Variants in CASD1 observed in about 807,000 individuals in gnomAD.
The protein encoded by CASD1 is N-acetylneuraminate (7)9-O-acetyltransferase.
In CASD1, 41 loss-of-function variants were observed where a neutral mutation model predicts 100.0. The ratio of observed to expected loss-of-function variants is 0.41; its 90% CI spans 0.32 to 0.53. The LOEUF is 0.53. Among genes scored for constraint, CASD1 ranks in the 20% least tolerant of loss-of-function variants. The pLI is 0.25. For missense variants in CASD1, 774 were observed against 948.7 expected, an observed-to-expected ratio of 0.82 and a Z score of 2.42; for synonymous variants, 321 against 315.6, an observed-to-expected ratio of 1.02 and a Z score of -0.18.
chr7:94,571,269 C>G, the CASD1 span, among the ~76,000 whole-genome samples: 1 of 152,154 alleles, frequency 6.6e-6, no homozygotes, highest in East Asian at 1.9e-4. Context: ...TCTTGAACTC[C>G]TGGGCTCAAG....
At chr7:94,587,833 AAT>A in the CASD1 span, 133 of 1,534,924 alleles carry the variant, frequency 8.7e-5, no homozygotes, top group African/African-American at 1.5e-3. Flanking sequence ...CGAAAGCAGT[AAT>A]AGAGAAGATA....
At chr7:94,557,028 C>T (rs1198426529), downstream of CASD1, 1 of 151,892 alleles carries the variant, frequency 6.6e-6, no homozygotes, top group African/African-American at 2.4e-5. Flanking sequence ...AATGCTGGAT[C>T]CATTCATGAT....
chr7:94,618,392 A>C, the CASD1 span: 1 of 178,802 alleles, frequency 5.6e-6, no homozygotes, highest in African/African-American at 2.4e-5. Flanking sequence ...ATAGTTTCCT[A>C]GAATAAAGTT....
chr7:94,633,945 T>A, the CASD1 span, among the ~76,000 whole-genome samples: 2 of 152,176 alleles, frequency 1.3e-5, no homozygotes, highest in Non-Finnish European at 2.9e-5. Flanking sequence ...TTTTTCTGCA[T>A]CACCAAGAAC....
At chr7:94,568,007 A>C in the CASD1 span, among the ~76,000 whole-genome samples, 22 of 152,222 alleles carry the variant, frequency 1.4e-4, no homozygotes, top group Admixed American at 1.0e-3. Context: ...TTTAAGAAAT[A>C]AGCTGATTCT....
In CASD1 at chr7:94,528,172, A is replaced by G. The variant is rs779433776; in HGVS notation, c.397-16A>G. 1.3e-5 allele frequency: 21 copies of G among 1,573,628 alleles called. No homozygotes were observed. The African/African-American group carries it at 2.2e-4, about 16-fold the overall frequency. On this transcript the variant is annotated splice_polypyrimidine_tract_variant and intron_variant, in intron 4 of 17. Coordinates refer to ENST00000297273, the MANE Select transcript of CASD1 (RefSeq NM_022900.5). ...TTTCTTCAACTTTTTCTTTACTTCT[A>G]ACATTTCTCTTTTAGGATTTTCTGT...
At chr7:94,577,755 A>G in the CASD1 span, among the ~76,000 whole-genome samples, 2 of 152,244 alleles carry the variant, frequency 1.3e-5, no homozygotes, top group African/African-American at 2.4e-5. Context: ...TGGAAAGTTT[A>G]TAAATTGCCT....
At chr7:94,512,963 A>G (rs1456320336) in intron 1 of CASD1, among the ~76,000 whole-genome samples, 1 of 152,250 alleles carries the variant, frequency 6.6e-6, no homozygotes, top group Non-Finnish European at 1.5e-5. Flanking sequence ...TGTCTTTCTC[A>G]GAACTTCTTA....
intron 5 of CASD1, among the ~76,000 whole-genome samples, chr7:94,530,190 A>G (rs1327394570): frequency 6.6e-6 from 1 of 152,204 alleles, no homozygotes; most frequent in Non-Finnish European, 1.5e-5. Flanking sequence ...TTTCAAAATT[A>G]GTTTTCAGAT....
intron 3 of CASD1, chr7:94,524,281 A>T (rs991710117): frequency 6.6e-5 from 10 of 152,144 alleles, no homozygotes; most frequent in Admixed American, 2.0e-4. Flanking sequence ...TACCTTAAAG[A>T]AAAAAGATAA....
chr7:94,629,879 A>G, the CASD1 span: 1 of 1,607,710 alleles, frequency 6.2e-7, no homozygotes, highest in Non-Finnish European at 8.5e-7. Context: ...CAGAAAGACA[A>G]ATAATGAGAT....
chr7:94,584,626 TA>T, the CASD1 span, among the ~76,000 whole-genome samples: 2 of 152,134 alleles, frequency 1.3e-5, no homozygotes, highest in African/African-American at 4.8e-5. Flanking sequence ...TTGCCCAAAG[TA>T]GATTAAGAGA....
intron 1 of CASD1, among the ~76,000 whole-genome samples, chr7:94,515,614 C>T (rs7801134): frequency 0.53 from 80,206 of 151,714 alleles, 21,982 homozygotes; most frequent in South Asian, 0.73. Context: ...AAAAACATAC[C>T]GGTAACCCAT....
intron 1 of CASD1, among the ~76,000 whole-genome samples, chr7:94,510,492 A>G (rs1000360336): frequency 2.6e-5 from 4 of 152,174 alleles, no homozygotes; most frequent in Non-Finnish European, 5.9e-5. Context: ...GACCTGGCCA[A>G]AAGTGCTGCT....
chr7:94,520,553 G>C (rs943107271), intron 3 of CASD1, among the ~76,000 whole-genome samples: 2 of 152,218 alleles, frequency 1.3e-5, no homozygotes, highest in African/African-American at 4.8e-5. Context: ...TTAAAAACTT[G>C]AGAAGTCTTA....
At chr7:94,536,229 A>G (rs1466609528) in intron 8 of CASD1, among the ~76,000 whole-genome samples, 8 of 152,074 alleles carry the variant, frequency 5.3e-5, no homozygotes, top group African/African-American at 1.7e-4. Flanking sequence ...GGTGACAGAG[A>G]GAGACTCCAT....
At chr7:94,516,747 G>A (rs998717573) in intron 1 of CASD1, among the ~76,000 whole-genome samples, 1 of 151,728 alleles carries the variant, frequency 6.6e-6, no homozygotes, top group Admixed American at 6.6e-5. Flanking sequence ...CAAAAGTGTA[G>A]AGTGACTCTT....
chr7:94,564,702 C>T, the CASD1 span, among the ~76,000 whole-genome samples: 30 of 152,114 alleles, frequency 2.0e-4, no homozygotes, highest in Non-Finnish European at 2.8e-4. Context: ...TCTTTGCGTG[C>T]GCCCACTCTG....
At chr7:94,619,188 C>A in the CASD1 span, 1 of 447,518 alleles carries the variant, frequency 2.2e-6, no homozygotes, top group Non-Finnish European at 4.0e-6. Context: ...TCATCAGAGG[C>A]TCATCAGGGC....
Sources: allele counts gnomAD v4.1 joint callset (sites outside exome capture counted in the v4.1 genomes callset), GRCh38; gene constraint gnomAD v4.1.1; transcripts MANE v1.5; gene names NCBI Gene and HGNC (gene_info 2026-07-23, HGNC 2026-07-21).